Variants in ECE1 observed in about 807,000 individuals in gnomAD.
ECE1 encodes the protein endothelin-converting enzyme 1.
ECE1 carries 35 observed loss-of-function variants against 98.6 expected under a neutral mutation model. That is an observed-to-expected ratio of 0.35 (90% CI 0.27 to 0.47). The LOEUF is 0.47. ECE1 is among the 20% of genes least tolerant of loss of function. ECE1 has a pLI of 1.00. For missense variants in ECE1, 814 were observed against 1,025.3 expected, an observed-to-expected ratio of 0.79 and a Z score of 2.81; for synonymous variants, 394 against 407.1, an observed-to-expected ratio of 0.97 and a Z score of 0.39.
chr1:21,290,311 G>A lies in ECE1; in HGVS notation c.51+53C>T, dbSNP rs2098265334. On this transcript the variant is annotated intron_variant, in intron 1 of 18. Transcript: ENST00000374893. This position sits in a 1 kb window ranked among gnomAD's most constrained non-coding sequence, Gnocchi z 7.3. ...CCGGCCCACGGAGCGGCCCGCGCGG[G>A]GAGGGGTCCCGCCCGCCTCCCGCCC... The A allele has an allele frequency of 2.4e-6, 3 of 1,236,068 alleles. No individual in the cohort carries two copies. In the East Asian group the frequency reaches 1.0e-4, roughly 42 times the overall value. The allele number at this position is 1,236,068 out of a possible 1,614,324, so 76.6% of individuals were successfully genotyped here. A position where few individuals can be genotyped will look rare whatever the true frequency, so the allele number is the denominator to read the frequency against.
chr1:21,279,140 A>G, intron 3 of ECE1, 51 bp downstream of exon 3: 1 of 1,613,830 alleles, frequency 6.2e-7, no homozygotes, highest in Non-Finnish European at 8.5e-7. Flanking sequence ...GAGCTGACGG[A>G]GCCGGGTGCA....
chr1:21,258,607 CCTCT>C lies in ECE1; in HGVS notation c.762+82_762+85del. Reference sequence around the variant, plus strand: ...ACCGCCGTCCCACCCAGGGCAAGCCCCTCTCCCACCCCAGGTCCTGCTAAACTCA... The same window carrying C: ...ACCGCCGTCCCACCCAGGGCAAGCCCCCCACCCCAGGTCCTGCTAAACTCA... On this transcript the variant is annotated intron_variant, in intron 6 of 18. Transcript: ENST00000374893. This position sits in a 1 kb window ranked among gnomAD's most constrained non-coding sequence, Gnocchi z 4.2. 8.0e-6 allele frequency: 12 copies of C among 1,494,246 alleles called. No individual in the cohort carries two copies. The highest frequency in any genetic ancestry group is 1.7e-5 in the Admixed American group (1 of 57,518). The allele number at this position is 1,494,246 out of a possible 1,614,324, so 92.6% of individuals were successfully genotyped here.
chr1:21,345,327 CCGT>C lies in ECE1; in HGVS notation c.3+46_3+48del. ...CCACCCGCGGCACCGCTGCCCGCGA[CCGT>C]CGAGGCTGGGCTGGACCGGACCAGA... On this transcript the variant is annotated intron_variant, in intron 1 of 18. Coordinates refer to the ECE1 transcript ENST00000415912. This position sits in a 1 kb window ranked among gnomAD's most constrained non-coding sequence, Gnocchi z 5.1. 4.4e-6 allele frequency: 6 copies of C among 1,349,486 alleles called. No homozygotes were observed. Among genetic ancestry groups the C allele is most frequent in the Non-Finnish European group, 5.8e-6 (6 of 1,042,636 alleles). The allele number at this position is 1,349,486 out of a possible 1,614,324, so 83.6% of individuals were successfully genotyped here.
At chr1:21,240,290 C>G (rs750274141) in intron 10 of ECE1, among the ~76,000 whole-genome samples, 4 of 152,252 alleles carry the variant, frequency 2.6e-5, no homozygotes, top group Non-Finnish European at 5.9e-5. Flanking sequence ...AGTTCGAGAC[C>G]ACCCTGGCCA....
intron 1 of ECE1, among the ~76,000 whole-genome samples, chr1:21,301,818 C>A (rs1424967521): frequency 1.5e-5 from 2 of 130,476 alleles, no homozygotes; most frequent in Non-Finnish European, 1.6e-5. Flanking sequence ...AGAGTGAGAC[C>A]CTGTCTCAGA....
chr1:21,281,683 A>AGTGTT lies in ECE1; in HGVS notation c.139-2356_139-2352dup, dbSNP rs1490561389. Among the ~76,000 whole-genome samples the AGTGTT allele has an allele frequency of 4.0e-5, 6 of 151,486 alleles. No homozygotes were observed. The East Asian group carries it at 1.2e-3, about 29-fold the overall frequency. ...ACAGGGCACAAGGAGGCCGTGAGAC[A>AGTGTT]GTGTTTTGTTTTGTTTTGTTTTGTT... is the stretch of plus-strand genomic sequence containing the variant. On this transcript the variant is annotated intron_variant, in intron 2 of 18. Transcript: ENST00000374893.
chr1:21,345,296 C>T lies in ECE1; in HGVS notation c.3+80G>A, dbSNP rs1045486943. The T allele has an allele frequency of 1.1e-5, 14 of 1,312,956 alleles. No homozygotes were observed. The African/African-American group carries it at 1.8e-4, about 17-fold the overall frequency. 81.3% of individuals were successfully genotyped at this position (1,312,956 alleles called of 1,614,324 possible). ...AGCCCCCCGCGAGCCAGGGCGGCCC[C>T]GGGTGCCACCCGCGGCACCGCTGCC... On this transcript the variant is annotated intron_variant, in intron 1 of 18. Coordinates refer to the ECE1 transcript ENST00000415912. This position sits in a 1 kb window ranked among gnomAD's most constrained non-coding sequence, Gnocchi z 5.1.
rs1278522170 is a variant in ECE1, at chr1:21,235,406, G to A, written c.1566+444C>T. Among the ~76,000 whole-genome samples, 2 of 152,302 alleles carry A rather than the reference G, an allele frequency of 1.3e-5. No homozygotes were observed. Among genetic ancestry groups the A allele is most frequent in the African/African-American group, 2.4e-5 (1 of 41,554 alleles). On this transcript the variant is annotated intron_variant, in intron 13 of 18. Coordinates refer to ENST00000374893, the MANE Select transcript of ECE1 (RefSeq NM_001397.3). The surrounding 1 kb of genome is among the most constrained non-coding windows in gnomAD (Gnocchi z 4.2). The stretch of plus-strand genomic sequence containing the variant: ...GTTTCTGGGGAGGTGGAGGAGGGCC[G>A]CAGGGACAGGAGGTAACTGGAAGCA...
intron 8 of ECE1, among the ~76,000 whole-genome samples, chr1:21,247,670 G>A (rs920140485): frequency 2.0e-5 from 3 of 152,184 alleles, no homozygotes; most frequent in African/African-American, 7.2e-5. Context: ...AATGATTGAT[G>A]CATATGATTC....
At chr1:21,262,361 A>T (rs1357514856) in intron 4 of ECE1, among the ~76,000 whole-genome samples, 1 of 152,160 alleles carries the variant, frequency 6.6e-6, no homozygotes, top group African/African-American at 2.4e-5. Flanking sequence ...GGAAGCTGGG[A>T]TACAGAAGAT....
intron 14 of ECE1, among the ~76,000 whole-genome samples, chr1:21,232,900 A>G (rs574153394): frequency 2.6e-5 from 4 of 152,144 alleles, no homozygotes; most frequent in African/African-American, 9.6e-5. Context: ...GCTGGTCTCA[A>G]ACTCCTGGGT....
chr1:21,324,706 C>G (rs894207864), intron 1 of ECE1, among the ~76,000 whole-genome samples: 4 of 152,224 alleles, frequency 2.6e-5, no homozygotes, highest in African/African-American at 9.7e-5. Context: ...TAATCGGCCT[C>G]CCTGCTCTGG....
At chr1:21,332,271 C>T (rs1412757894) in intron 1 of ECE1, among the ~76,000 whole-genome samples, 1 of 152,084 alleles carries the variant, frequency 6.6e-6, no homozygotes, top group Non-Finnish European at 1.5e-5. Flanking sequence ...CCAGTCCCAT[C>T]CCTGCCAGAC....
chr1:21,255,701 G>C (rs567240992), intron 8 of ECE1, among the ~76,000 whole-genome samples: 57 of 152,318 alleles, frequency 3.7e-4, no homozygotes, highest in Non-Finnish European at 6.5e-4. Context: ...ATTAATTACA[G>C]AGAAGCAGCC....
rs1638632433 is a variant in ECE1, at chr1:21,307,844, AGGCCCTGCCCCCTTGAGAGGTT to A, written c.4-17710_4-17689del. ...AAGAGGCCCTGCCCCCTTGAGAGGGAGGCCCTGCCCCCTTGAGAGGTTGGCCCCGCCTTGAGCATCCTTGTCA... is the reference window on the plus strand; with the variant it reads ...AAGAGGCCCTGCCCCCTTGAGAGGGAGGCCCCGCCTTGAGCATCCTTGTCA... On this transcript the variant is annotated intron_variant, in intron 1 of 18. Transcript: ENST00000415912. The surrounding 1 kb of genome is among the most constrained non-coding windows in gnomAD (Gnocchi z 4.2). Among the ~76,000 whole-genome samples, 1 of 152,132 alleles carries A rather than the reference AGGCCCTGCCCCCTTGAGAGGTT, an allele frequency of 6.6e-6. No individual in the cohort carries two copies. Among genetic ancestry groups the A allele is most frequent in the Non-Finnish European group, 1.5e-5 (1 of 68,022 alleles).
chr1:21,295,969 C>T (rs1012183908), intron 1 of ECE1, among the ~76,000 whole-genome samples: 4 of 152,154 alleles, frequency 2.6e-5, no homozygotes, highest in African/African-American at 4.8e-5. Flanking sequence ...CATCCAGCAG[C>T]CCAAGCCTGC....
chr1:21,254,423 T>A (rs2098217294), intron 8 of ECE1, among the ~76,000 whole-genome samples: 1 of 151,574 alleles, frequency 6.6e-6, no homozygotes, highest in Non-Finnish European at 1.5e-5. Context: ...TCTGCTAAAC[T>A]CCCCCCACCT....
rs1558393748 is a variant in ECE1, at chr1:21,258,835, C to T, written c.620G>A (p.Gly207Glu). 1 of 1,613,966 alleles carries T rather than the reference C, an allele frequency of 6.2e-7. No individual in the cohort carries two copies. Among genetic ancestry groups the T allele is most frequent in the Non-Finnish European group, 8.5e-7 (1 of 1,180,024 alleles). ...CCAGGGACCTGTGATGTTCCAGCCCCCGAGCTGTGGGGAGGGAGAGCAGGC... is the reference window on the plus strand; with the variant it reads ...CCAGGGACCTGTGATGTTCCAGCCCTCGAGCTGTGGGGAGGGAGAGCAGGC... ...KPLMELIERL[G>E]GWNITGPWAK... is the part of the protein sequence containing the mutation. Residue 207 changes from glycine (G) to glutamate (E), a missense_variant, in exon 6 of 19, where the codon GGG becomes GAG. Transcript: ENST00000374893. The surrounding 1 kb of genome is among the most constrained non-coding windows in gnomAD (Gnocchi z 4.2).
chr1:21,344,217 G>T (rs1436943335), intron 1 of ECE1, among the ~76,000 whole-genome samples: 2 of 152,172 alleles, frequency 1.3e-5, no homozygotes, highest in African/African-American at 4.8e-5. Context: ...GGCACAGCAG[G>T]GGCTGGGAAC....
Sources: allele counts gnomAD v4.1 joint callset (sites outside exome capture counted in the v4.1 genomes callset), GRCh38; gene constraint gnomAD v4.1.1; non-coding constraint Gnocchi (gnomAD v3.1); transcripts MANE v1.5; gene names NCBI Gene and HGNC (gene_info 2026-07-23, HGNC 2026-07-21).